ACR: variants seen among roughly 807,000 people sequenced by gnomAD.
The protein encoded by ACR is acrosin light and heavy chain prepropeptide.
Under a neutral mutation model 26.0 loss-of-function variants are expected in ACR, and 17 were observed. That is an observed-to-expected ratio of 0.65 (90% CI 0.45 to 0.98). ACR has a LOEUF of 0.98. Among genes scored for constraint, ACR ranks in the 50% least tolerant of loss-of-function variants. The pLI, the probability that ACR is intolerant of heterozygous loss-of-function variation, is 0.00. For missense variants in ACR, 435 were observed against 519.3 expected (o/e 0.84, Z 1.58); for synonymous variants, 199 against 207.7 (o/e 0.96, Z 0.36).
At chr22:50,740,121 TC>T in intron 3 of ACR, 144 bp downstream of exon 3, 1 of 1,061,364 alleles carries the variant, frequency 9.4e-7, no homozygotes, top group African/African-American at 1.6e-5. Context: ...ACTGTGGCCT[TC>T]CACAGTCCCC....
In ACR at chr22:50,739,741, A is replaced by G; in HGVS notation, c.329A>G (p.Tyr110Cys). 3 of 1,558,962 alleles carry G rather than the reference A, an allele frequency of 1.9e-6. No individual in the cohort carries two copies. The highest frequency in any genetic ancestry group is 2.6e-6 in the Non-Finnish European group (3 of 1,155,642). Reference sequence around the variant, plus strand: ...GTTTTCGGAGCAAAGGAAATTACATATGGGAACAATAAACCAGTAAAGGCG... The same window carrying G: ...GTTTTCGGAGCAAAGGAAATTACATGTGGGAACAATAAACCAGTAAAGGCG... ...RLVFGAKEITYGNNKPVKAPL... is the reference protein window; with the variant it reads ...RLVFGAKEITCGNNKPVKAPL... Residue 110 changes from tyrosine to cysteine, a missense_variant, in exon 3 of 5, where the codon TAT becomes TGT. By Grantham distance (194) the Tyr-to-Cys change is radical. Around this residue, in one of 3 missense-constraint regions of ACR, gnomAD observed 314 missense variants for 372.0 expected, o/e 0.84. Coordinates refer to ENST00000216139, the MANE Select transcript of ACR (RefSeq NM_001097.3). This position sits in a 1 kb window ranked among gnomAD's most constrained non-coding sequence, Gnocchi z 5.5.
intron 3 of ACR, among the ~76,000 whole-genome samples, chr22:50,742,707 G>T (rs911204824): frequency 3.0e-4 from 45 of 152,278 alleles, no homozygotes; most frequent in African/African-American, 1.0e-3. Flanking sequence ...AAAACGGAAA[G>T]CCAGCGAGCA....
intron 3 of ACR, among the ~76,000 whole-genome samples, chr22:50,742,543 CAAAAAAA>C (rs71318831): frequency 2.3e-5 from 3 of 132,730 alleles, no homozygotes; most frequent in Admixed American, 7.6e-5. Context: ...GACTCCGTCT[CAAAAAAA>C]AAAAAAAAAA....
chr22:50,739,343 G>A lies in ACR; in HGVS notation c.150G>A (p.Gln50=). 3.1e-6 allele frequency: 5 copies of A among 1,612,278 alleles called. No individual in the cohort carries two copies. Among genetic ancestry groups the A allele is most frequent in the Non-Finnish European group, 4.2e-6 (5 of 1,179,234 alleles). Residue 50 remains glutamine, a synonymous_variant, in exon 2 of 5, where the codon CAG becomes CAA. Coordinates refer to ENST00000216139, the MANE Select transcript of ACR (RefSeq NM_001097.3). The surrounding 1 kb of genome is among the most constrained non-coding windows in gnomAD (Gnocchi z 5.5). ...GCATCGTCGGCGGGAAGGCTGCACAGCATGGGGCCTGGCCCTGGATGGTCA... is the reference window on the plus strand; with the variant it reads ...GCATCGTCGGCGGGAAGGCTGCACAACATGGGGCCTGGCCCTGGATGGTCA... ...GVRIVGGKAA[Q]HGAWPWMVSL... is the part of the protein sequence containing the mutation.
In ACR at chr22:50,739,949, G is replaced by T. The variant is rs1569123424; in HGVS notation, c.537G>T (p.Val179=). ...GLPRGSQSCW[V]AGWGYIEEKA... Reference sequence around the variant, plus strand: ...CCAGAGGCTCCCAGAGCTGCTGGGTGGCCGGCTGGGGATATATAGAAGAGA... The same window carrying T: ...CCAGAGGCTCCCAGAGCTGCTGGGTTGCCGGCTGGGGATATATAGAAGAGA... Residue 179 remains valine (V), a synonymous_variant, in exon 3 of 5, where the codon GTG becomes GTT. Transcript: ENST00000216139. The surrounding 1 kb of genome is among the most constrained non-coding windows in gnomAD (Gnocchi z 5.5). 1 of 1,613,834 alleles carries T rather than the reference G, an allele frequency of 6.2e-7. No homozygotes were observed. The highest frequency in any genetic ancestry group is 8.5e-7 in the Non-Finnish European group (1 of 1,180,026).
chr22:50,740,003 G>C (rs761053255), intron 3 of ACR, 26 bp downstream of exon 3: 1 of 1,612,278 alleles, frequency 6.2e-7, no homozygotes, highest in Non-Finnish European at 8.5e-7. Context: ...CCTCCAAGGG[G>C]GGACGCTGCT....
At position 50,739,037 on chromosome 22, in the gene ACR, C is replaced by A. The variant is rs757566987; in HGVS notation, c.78-234C>A. Among the ~76,000 whole-genome samples the A allele has an allele frequency of 7.2e-5, 11 of 152,336 alleles. No homozygotes were observed. The highest frequency in any genetic ancestry group is 1.3e-4 in the Admixed American group (2 of 15,302). Reference sequence around the variant, plus strand: ...TGCAGCCTGTCCTGGCTTCCTATGGCCTCCTCTTTCTCCATCTGTGACTGC... The same window carrying A: ...TGCAGCCTGTCCTGGCTTCCTATGGACTCCTCTTTCTCCATCTGTGACTGC... On this transcript the variant is annotated intron_variant, in intron 1 of 4. Coordinates refer to ENST00000216139, the MANE Select transcript of ACR (RefSeq NM_001097.3). The surrounding 1 kb of genome is among the most constrained non-coding windows in gnomAD (Gnocchi z 5.5).
At chr22:50,742,601 GT>G (rs2083429958) in intron 3 of ACR, among the ~76,000 whole-genome samples, 1 of 151,672 alleles carries the variant, frequency 6.6e-6, no homozygotes, top group South Asian at 2.1e-4. Context: ...TGTTGTCATT[GT>G]TGTTTCAATG....
intron 3 of ACR, among the ~76,000 whole-genome samples, chr22:50,741,798 G>A (rs1185527675): frequency 2.0e-5 from 3 of 151,008 alleles, no homozygotes; most frequent in Non-Finnish European, 2.9e-5. Flanking sequence ...TTCCCATTGG[G>A]TTTTGAGTCC....
intron 3 of ACR, 33 bp from the exon 4 acceptor site, chr22:50,744,028 G>A (rs1458575617): frequency 5.4e-6 from 8 of 1,486,492 alleles, no homozygotes; most frequent in South Asian, 4.5e-5. Flanking sequence ...CGTGTCTCCC[G>A]TGATCACTGA....
At chr22:50,740,771 A>T (rs1162025977) in intron 3 of ACR, 2 of 701,520 alleles carry the variant, frequency 2.9e-6, no homozygotes, top group East Asian at 5.4e-5. Context: ...TCGACACCAG[A>T]TGAGTTCTAG....
chr22:50,739,150 A>G lies in ACR; in HGVS notation c.78-121A>G. Reference sequence around the variant, plus strand: ...TAGCGCAGGCTGCCCCTGCTTTCCCAGAACCCGGAAGCTCTTCCCCACTTT... The same window carrying G: ...TAGCGCAGGCTGCCCCTGCTTTCCCGGAACCCGGAAGCTCTTCCCCACTTT... On this transcript the variant is annotated intron_variant, in intron 1 of 4. Transcript: ENST00000216139. The surrounding 1 kb of genome is among the most constrained non-coding windows in gnomAD (Gnocchi z 5.5). 1 of 889,246 alleles carries G rather than the reference A, an allele frequency of 1.1e-6. No individual in the cohort carries two copies. The highest frequency in any genetic ancestry group is 1.7e-6 in the Non-Finnish European group (1 of 574,538). The allele number at this position is 889,246 out of a possible 1,614,324, so 55.1% of individuals were successfully genotyped here.
intron 3 of ACR, among the ~76,000 whole-genome samples, chr22:50,741,291 C>T (rs2083423766): frequency 6.6e-6 from 1 of 152,274 alleles, no homozygotes; most frequent in African/African-American, 2.4e-5. Context: ...TGTCCTTGTT[C>T]TCACTGGCCT....
intron 3 of ACR, chr22:50,740,345 T>G: frequency 3.5e-6 from 2 of 575,150 alleles, no homozygotes; most frequent in Non-Finnish European, 3.1e-6. Flanking sequence ...CGTATGACAG[T>G]GCCTTCCACT....
At position 50,744,199 on chromosome 22, in the gene ACR, C is replaced by A; in HGVS notation, c.704C>A (p.Thr235Asn). The change falls in exon 4 of 5, where the codon ACC becomes AAC. Residue 235 changes from threonine (T) to asparagine (N), a missense_variant. Around this residue, in one of 3 missense-constraint regions of ACR, gnomAD observed 314 missense variants for 372.0 expected, o/e 0.84. Transcript: ENST00000216139. The stretch of plus-strand genomic sequence containing the variant: ...GGGTATCCTGTAGGCAAGATCGACA[C>A]CTGCCAGGTAACCTTCCTTCTGGCT... The part of the protein sequence containing the change: ...CAGYPVGKID[T>N]CQGDSGGPLM... 6.2e-7 allele frequency: 1 copy of A among 1,613,570 alleles called. No homozygotes were observed. Among genetic ancestry groups the A allele is most frequent in the Non-Finnish European group, 8.5e-7 (1 of 1,179,678 alleles).
Position 50,744,220 on chromosome 22 carries a change from T to C in ACR, c.711+14T>C, listed in dbSNP as rs574883550. 2.7e-5 allele frequency: 43 copies of C among 1,608,266 alleles called. No homozygotes were observed. In the East Asian group the frequency reaches 9.1e-4, roughly 34 times the overall value. On this transcript the variant is annotated intron_variant, in intron 4 of 4. Coordinates refer to ENST00000216139, the MANE Select transcript of ACR (RefSeq NM_001097.3). ...GACACCTGCCAGGTAACCTTCCTTC[T>C]GGCTTCTGGGCCCCTGGGTCCCTCC...
At chr22:50,742,369 C>T (rs989115185) in intron 3 of ACR, among the ~76,000 whole-genome samples, 19 of 151,732 alleles carry the variant, frequency 1.3e-4, no homozygotes, top group African/African-American at 4.6e-4. Flanking sequence ...ACGGTGAAAC[C>T]TCATTTCTAC....
chr22:50,740,309 A>G (rs2083419834), intron 3 of ACR: 1 of 566,070 alleles, frequency 1.8e-6, no homozygotes, highest in Non-Finnish European at 3.2e-6. Context: ...GCCTTTGGAG[A>G]AGAGCTCCAG....
intron 3 of ACR, chr22:50,743,662 G>A (rs28516879): frequency 0.059 from 12,804 of 215,396 alleles, 409 homozygotes; most frequent in Non-Finnish European, 0.069. Context: ...TGTGACCTGG[G>A]TGGGCGGTGC....
Sources: gnomAD v4.1 joint callset for allele counts (sites outside exome capture counted in the v4.1 genomes callset) on GRCh38, gnomAD v4.1.1 for gene constraint, gnomAD v4.1.1 regional missense constraint, Gnocchi (gnomAD v3.1) non-coding constraint, MANE v1.5 for transcripts, NCBI Gene and HGNC (gene_info 2026-07-23, HGNC 2026-07-21) for gene names.